ROBO1: variants seen among roughly 807,000 people sequenced by gnomAD.
ROBO1 encodes roundabout homolog 1.
ROBO1 carries 149 observed loss-of-function variants against 195.9 expected under a neutral mutation model. The observed-to-expected ratio is 0.76, with a 90% CI of 0.67 to 0.87. ROBO1 has a LOEUF of 0.87. Ranked by LOEUF, ROBO1 falls within the 40% of genes least tolerant of loss-of-function variation. The probability of loss-of-function intolerance (pLI) is 0.00; values close to 1 mark genes in which losing one functional copy is unlikely to be tolerated. For synonymous variants in ROBO1, 816 were observed against 733.2 expected, an observed-to-expected ratio of 1.11 and a Z score of -1.82; for missense variants, 1,933 against 2,068.3, an observed-to-expected ratio of 0.93 and a Z score of 1.27.
intron 1 of ROBO1, among the ~76,000 whole-genome samples, chr3:79,669,117 A>T (rs1318023203): frequency 6.6e-6 from 1 of 151,848 alleles, no homozygotes; most frequent in East Asian, 1.9e-4. Context: ...TGTGGGAAAG[A>T]CCCAGTGGAA....
At chr3:79,756,082 T>C (rs1704377384) in intron 1 of ROBO1, among the ~76,000 whole-genome samples, 1 of 152,248 alleles carries the variant, frequency 6.6e-6, no homozygotes, top group South Asian at 2.1e-4. Context: ...CTATTAAATA[T>C]ACTTGTTTAG....
intron 3 of ROBO1, among the ~76,000 whole-genome samples, chr3:78,991,744 A>T (rs1576525500): frequency 6.6e-6 from 1 of 152,326 alleles, no homozygotes; most frequent in African/African-American, 2.4e-5. Context: ...TTGATTAACG[A>T]TACAGTTGCT....
chr3:79,009,451 T>C (rs1576557487), intron 3 of ROBO1, among the ~76,000 whole-genome samples: 1 of 152,146 alleles, frequency 6.6e-6, no homozygotes, highest in Non-Finnish European at 1.5e-5. Flanking sequence ...CATCTACATA[T>C]TTGGAAATAA....
In ROBO1 at chr3:79,129,074, C is replaced by A. The variant is rs373323071; in HGVS notation, c.89-3535G>T. On this transcript the variant is annotated intron_variant, in intron 2 of 30. Coordinates refer to ENST00000464233, the MANE Select transcript of ROBO1 (RefSeq NM_002941.4). ...CTCAATTGGATGCTCTACCAACAAC[C>A]AAATTTATTTCCATTGGTGATTCAA... Among the ~76,000 whole-genome samples the A allele has an allele frequency of 3.7e-4, 56 of 152,130 alleles. 1 individual carries two copies. The highest frequency in any genetic ancestry group is 1.3e-3 in the African/African-American group (53 of 41,446).
intron 2 of ROBO1, among the ~76,000 whole-genome samples, chr3:79,500,444 T>TA (rs1163287785): frequency 1.3e-5 from 2 of 152,212 alleles, no homozygotes; most frequent in Non-Finnish European, 2.9e-5. Context: ...CCGCAAGTTT[T>TA]AATTTGTCCT....
At chr3:79,179,246 C>A (rs538025889) in intron 2 of ROBO1, among the ~76,000 whole-genome samples, 5 of 152,202 alleles carry the variant, frequency 3.3e-5, no homozygotes, top group African/African-American at 1.2e-4. Flanking sequence ...TAGTTTAGGT[C>A]AATTTAGTCT....
At chr3:79,219,507 C>G (rs1416878712) in intron 2 of ROBO1, among the ~76,000 whole-genome samples, 1 of 151,944 alleles carries the variant, frequency 6.6e-6, no homozygotes, top group Non-Finnish European at 1.5e-5. Context: ...GTGTGATATG[C>G]AGTATGACCC....
At chr3:78,687,770 A>G (rs1453488669) in intron 9 of ROBO1, among the ~76,000 whole-genome samples, 2 of 151,988 alleles carry the variant, frequency 1.3e-5, no homozygotes, top group Non-Finnish European at 2.9e-5. Flanking sequence ...GACTAGAAAC[A>G]TTCACCACCA....
chr3:79,057,670 C>T (rs1026671184), intron 3 of ROBO1, among the ~76,000 whole-genome samples: 4 of 152,014 alleles, frequency 2.6e-5, no homozygotes, highest in South Asian at 2.1e-4. Context: ...CACTGGATCT[C>T]GCTTACAATG....
intron 3 of ROBO1, among the ~76,000 whole-genome samples, chr3:79,006,757 GAA>G (rs11345487): frequency 0.051 from 5,887 of 115,252 alleles, 318 homozygotes; most frequent in African/African-American, 0.15. Flanking sequence ...CAAAATATCG[GAA>G]AAAAAAAAAA....
intron 2 of ROBO1, among the ~76,000 whole-genome samples, chr3:79,559,646 C>T (rs371796175): frequency 1.3e-5 from 2 of 152,126 alleles, no homozygotes; most frequent in African/African-American, 2.4e-5. Flanking sequence ...TGGCTGGGTG[C>T]GGTGGCTCAC....
chr3:78,806,016 G>A (rs777909453), intron 4 of ROBO1, among the ~76,000 whole-genome samples: 2 of 152,096 alleles, frequency 1.3e-5, no homozygotes, highest in Non-Finnish European at 2.9e-5. Flanking sequence ...CTGGAGTACA[G>A]TGGCACAATC....
At chr3:79,047,389 G>A (rs1553668311) in intron 3 of ROBO1, among the ~76,000 whole-genome samples, 1 of 152,002 alleles carries the variant, frequency 6.6e-6, no homozygotes, top group Non-Finnish European at 1.5e-5. Flanking sequence ...AAAGTGCCAA[G>A]ACTTTTGAAA....
chr3:79,545,872 G>A (rs1051387594), intron 2 of ROBO1, among the ~76,000 whole-genome samples: 13 of 152,100 alleles, frequency 8.5e-5, no homozygotes, highest in African/African-American at 2.9e-4. Flanking sequence ...TTAAGCATAA[G>A]ATAGAAACAT....
chr3:79,036,395 G>C (rs1296232802), intron 3 of ROBO1, among the ~76,000 whole-genome samples: 1 of 151,990 alleles, frequency 6.6e-6, no homozygotes, highest in African/African-American at 2.4e-5. Context: ...GGCAGAAAGA[G>C]CTAAATATTA....
chr3:79,361,086 G>A (rs958086879), intron 2 of ROBO1, among the ~76,000 whole-genome samples: 11 of 152,128 alleles, frequency 7.2e-5, no homozygotes, highest in African/African-American at 2.6e-4. Flanking sequence ...TAATGGACAT[G>A]CCATATCACA....
At chr3:79,660,242 C>G (rs1488033594) in intron 1 of ROBO1, among the ~76,000 whole-genome samples, 5 of 151,754 alleles carry the variant, frequency 3.3e-5, no homozygotes, top group African/African-American at 1.2e-4. Flanking sequence ...AACTTGCAAG[C>G]CTAAGAGAGC....
chr3:79,214,262 A>T (rs2082015749), intron 2 of ROBO1, among the ~76,000 whole-genome samples: 1 of 152,036 alleles, frequency 6.6e-6, no homozygotes, highest in African/African-American at 2.4e-5. Context: ...TAAACAGCAA[A>T]CAGTTTATTA....
At chr3:78,806,755 AATGTAAT>A (rs1422477584) in intron 4 of ROBO1, among the ~76,000 whole-genome samples, 1 of 152,154 alleles carries the variant, frequency 6.6e-6, no homozygotes, top group Non-Finnish European at 1.5e-5. Flanking sequence ...AAAGTAGGAC[AATGTAAT>A]ATTCTACTGT....
Sources: allele counts gnomAD v4.1 joint callset (sites outside exome capture counted in the v4.1 genomes callset), GRCh38; gene constraint gnomAD v4.1.1; transcripts MANE v1.5; gene names NCBI Gene and HGNC (gene_info 2026-07-23, HGNC 2026-07-21).